The following SBF2 variants were observed in gnomAD, a reference collection of about 807,000 sequenced individuals.
SBF2 encodes the protein SET binding factor 2, also known as myotubularin-related protein 13.
In SBF2, 112 loss-of-function variants were observed where a neutral mutation model predicts 225.2. That is an observed-to-expected ratio of 0.50 (90% CI 0.43 to 0.58). The LOEUF is 0.58. SBF2 is among the 20% of genes least tolerant of loss of function. SBF2 has a pLI of 0.00. For missense variants in SBF2, 1,996 were observed against 2,206.2 expected, an observed-to-expected ratio of 0.90 and a Z score of 1.91; for synonymous variants, 763 against 773.3, an observed-to-expected ratio of 0.99 and a Z score of 0.22.
rs1590234203 is a variant in SBF2, at chr11:9,856,474, T to A, written c.2347A>T (p.Ser783Cys). 6.2e-7 allele frequency: 1 copy of A among 1,614,058 alleles called. No individual in the cohort carries two copies. The highest frequency in any genetic ancestry group is 8.5e-7 in the Non-Finnish European group (1 of 1,180,034). The change falls in exon 19 of 40, where the codon AGC (serine) becomes TGC (cysteine). Residue 783 changes from serine to cysteine, a missense_variant. Physicochemically the swap from Ser to Cys is moderately radical, Grantham distance 112. Coordinates refer to ENST00000256190, the MANE Select transcript of SBF2 (RefSeq NM_030962.4). ...TTTTGGTACCTGTTTGTGACAATGCTGTTGCTTCCGCTCTCCCAGTCACCT... is the reference window on the plus strand; with the variant it reads ...TTTTGGTACCTGTTTGTGACAATGCAGTTGCTTCCGCTCTCCCAGTCACCT... ...APGDWESGSN[S>C]IVTNSIAGSV...
intron 2 of SBF2, among the ~76,000 whole-genome samples, chr11:10,167,155 T>G (rs1376588922): frequency 6.6e-6 from 1 of 152,216 alleles, no homozygotes; most frequent in African/African-American, 2.4e-5. Flanking sequence ...TACAAATATT[T>G]TTGAAATTTT....
chr11:9,890,540 T>C (rs1028707592), intron 17 of SBF2, among the ~76,000 whole-genome samples: 1 of 152,178 alleles, frequency 6.6e-6, no homozygotes, highest in South Asian at 2.1e-4. Context: ...GCCAACTACA[T>C]GTGGAGGATC....
chr11:9,953,387 G>A (rs982773632), intron 16 of SBF2, among the ~76,000 whole-genome samples: 2 of 151,914 alleles, frequency 1.3e-5, no homozygotes, highest in African/African-American at 4.8e-5. Context: ...AGGTTGCAGT[G>A]AGCCGAGATC....
At chr11:10,043,140 T>A (rs748200078) in intron 2 of SBF2, 159 bp from the exon 3 acceptor site, 1 of 715,902 alleles carries the variant, frequency 1.4e-6, no homozygotes, top group Non-Finnish European at 2.3e-6. Context: ...TACAGATTCA[T>A]AATGGTGAAA....
intron 2 of SBF2, among the ~76,000 whole-genome samples, chr11:10,126,409 G>C (rs1383674439): frequency 2.6e-5 from 4 of 152,022 alleles, no homozygotes; most frequent in Non-Finnish European, 5.9e-5. Context: ...ATGGTATTTA[G>C]ATCTTGATAA....
intron 1 of SBF2, among the ~76,000 whole-genome samples, chr11:10,251,989 C>T (rs1372075651): frequency 2.0e-5 from 3 of 152,144 alleles, no homozygotes; most frequent in Non-Finnish European, 2.9e-5. Flanking sequence ...ATGCACGAGG[C>T]CCCAACAGGC....
At chr11:10,010,921 T>C (rs1294210304) in intron 6 of SBF2, among the ~76,000 whole-genome samples, 10 of 152,156 alleles carry the variant, frequency 6.6e-5, no homozygotes, top group African/African-American at 2.4e-4. Flanking sequence ...CCTTGAGCAG[T>C]GGTTTGTAGT....
chr11:9,940,755 A>G (rs1307522410), intron 16 of SBF2, among the ~76,000 whole-genome samples: 1 of 152,138 alleles, frequency 6.6e-6, no homozygotes, highest in Non-Finnish European at 1.5e-5. Flanking sequence ...AAATTTGGGA[A>G]CCTCTTAAAC....
chr11:10,141,439 G>A (rs574626808), intron 2 of SBF2, among the ~76,000 whole-genome samples: 1 of 152,172 alleles, frequency 6.6e-6, no homozygotes. Context: ...CTCTCTGGAA[G>A]AGACTGTAAA....
intron 2 of SBF2, chr11:10,165,002 TG>T (rs1318433424): frequency 3.3e-5 from 5 of 152,264 alleles, no homozygotes; most frequent in Non-Finnish European, 5.9e-5. Context: ...GTCCCTCATA[TG>T]GATTCCTTGC....
chr11:10,063,269 A>G (rs981137639), intron 2 of SBF2, among the ~76,000 whole-genome samples: 1 of 151,872 alleles, frequency 6.6e-6, no homozygotes, highest in African/African-American at 2.4e-5. Flanking sequence ...CAAACCCCCG[A>G]CACATGTTTA....
chr11:10,105,456 C>T (rs1312285983), intron 2 of SBF2, among the ~76,000 whole-genome samples: 1 of 152,192 alleles, frequency 6.6e-6, no homozygotes, highest in African/African-American at 2.4e-5. Context: ...AGAATAATCA[C>T]ACCACTATAA....
chr11:10,132,209 A>G (rs1230350775), intron 2 of SBF2, among the ~76,000 whole-genome samples: 2 of 152,086 alleles, frequency 1.3e-5, no homozygotes, highest in Non-Finnish European at 2.9e-5. Flanking sequence ...GTTCTGTTCC[A>G]CTGACCTAGT....
intron 17 of SBF2, among the ~76,000 whole-genome samples, chr11:9,877,575 T>C (rs1373488215): frequency 1.3e-5 from 2 of 152,004 alleles, no homozygotes; most frequent in Non-Finnish European, 2.9e-5. Flanking sequence ...GGCCCCAGTG[T>C]GTGACGTTCC....
At chr11:10,179,131 G>A (rs1035374710) in intron 2 of SBF2, among the ~76,000 whole-genome samples, 14 of 151,390 alleles carry the variant, frequency 9.2e-5, no homozygotes, top group Non-Finnish European at 2.9e-5. Flanking sequence ...ACTCATAGGT[G>A]GGAATTGAAC....
chr11:9,811,534 C>T (rs1387471198), intron 30 of SBF2, among the ~76,000 whole-genome samples: 1 of 152,082 alleles, frequency 6.6e-6, no homozygotes, highest in African/African-American at 2.4e-5. Context: ...AGCTGGGGCT[C>T]ATAGCCTGGG....
intron 16 of SBF2, among the ~76,000 whole-genome samples, chr11:9,925,431 C>T (rs901858542): frequency 6.6e-6 from 1 of 152,172 alleles, no homozygotes; most frequent in African/African-American, 2.4e-5. Context: ...GCATGCGCCA[C>T]CACGCCCGAC....
At chr11:9,950,136 G>C (rs753182724) in intron 16 of SBF2, among the ~76,000 whole-genome samples, 7 of 150,198 alleles carry the variant, frequency 4.7e-5, no homozygotes, top group Non-Finnish European at 8.9e-5. Flanking sequence ...AATGCTTCTC[G>C]TAAGCAGGGA....
intron 1 of SBF2, among the ~76,000 whole-genome samples, chr11:10,214,305 G>A (rs540485390): frequency 1.3e-5 from 2 of 152,258 alleles, no homozygotes; most frequent in South Asian, 4.1e-4. Context: ...GAGAACCACT[G>A]CTTTAAACTC....
Sources: allele counts gnomAD v4.1 joint callset (sites outside exome capture counted in the v4.1 genomes callset), GRCh38; gene constraint gnomAD v4.1.1; transcripts MANE v1.5; gene names NCBI Gene and HGNC (gene_info 2026-07-23, HGNC 2026-07-21).